The following PCDHA5 variants were observed in gnomAD, a reference collection of about 807,000 sequenced individuals.
PCDHA5 encodes the protein protocadherin alpha-5.
PCDHA5 carries 43 observed loss-of-function variants against 61.6 expected under a neutral mutation model. That is an observed-to-expected ratio of 0.70 (90% CI 0.55 to 0.90). The LOEUF is 0.90. Ranked by LOEUF, PCDHA5 falls within the 40% of genes least tolerant of loss-of-function variation. The pLI is 0.00. For missense variants in PCDHA5, 1,298 were observed against 1,222.7 expected (o/e 1.06, Z -0.92); for synonymous variants, 627 against 543.9 (o/e 1.15, Z -2.13).
rs2150128291 is a variant in PCDHA5, at chr5:140,823,697, C to G, written c.1922C>G (p.Ala641Gly). Residue 641 changes from alanine to glycine, a missense_variant, in exon 1 of 4, where the codon GCA becomes GGA. Coordinates refer to ENST00000529859, the MANE Select transcript of PCDHA5 (RefSeq NM_018908.3). ...STTRSLDETE[A>G]PRHRLLVLVK... ...ACACGCTCTCTGGATGAGACCGAAG[C>G]ACCGCGCCACCGCCTTCTGGTGCTG... 29 of 1,613,838 alleles carry G rather than the reference C, an allele frequency of 1.8e-5. No individual in the cohort carries two copies. The highest frequency in any genetic ancestry group is 2.3e-5 in the Non-Finnish European group (27 of 1,179,946).
chr5:140,962,036 A>G (rs761594563), intron 1 of PCDHA5, among the ~76,000 whole-genome samples: 10 of 151,802 alleles, frequency 6.6e-5, no homozygotes, highest in Non-Finnish European at 1.2e-4. Flanking sequence ...GGCACCCACC[A>G]CCATGCCTGG....
intron 1 of PCDHA5, among the ~76,000 whole-genome samples, chr5:140,846,371 TTC>T (rs140960073): frequency 0.32 from 35,391 of 108,896 alleles, 6,884 homozygotes; most frequent in South Asian, 0.47. Context: ...TTTTCTTTCT[TTC>T]TTTTTTTTTT....
At chr5:140,856,349 T>C in intron 1 of PCDHA5, 1 of 1,598,368 alleles carries the variant, frequency 6.3e-7, no homozygotes, top group Non-Finnish European at 8.6e-7. Flanking sequence ...GAGCGTGGAG[T>C]GCAGCATCCA....
intron 1 of PCDHA5, chr5:140,864,763 A>T (rs976670249): frequency 6.6e-6 from 1 of 152,064 alleles, no homozygotes; most frequent in East Asian, 1.9e-4. Context: ...TTTTTCTTTC[A>T]TTTTTGGTAC....
At chr5:140,852,705 T>C in intron 1 of PCDHA5, 1 of 979,478 alleles carries the variant, frequency 1.0e-6, no homozygotes, top group Non-Finnish European at 1.2e-6. Context: ...TTCAAGTATC[T>C]TTGTCTTTGC....
In PCDHA5 at chr5:140,835,680, C is replaced by A. The variant is rs2150241824; in HGVS notation, c.2352+11553C>A. ...GGTTACCGCGCGGGACGGGGGCTCGCCTTCTCTGTGGGCCACTGCTAGCGT... is the reference window on the plus strand; with the variant it reads ...GGTTACCGCGCGGGACGGGGGCTCGACTTCTCTGTGGGCCACTGCTAGCGT... On this transcript the variant is annotated intron_variant, in intron 1 of 3. Coordinates refer to ENST00000529859, the MANE Select transcript of PCDHA5 (RefSeq NM_018908.3). The A allele has an allele frequency of 5.6e-6, 9 of 1,613,886 alleles. No homozygotes were observed. The Admixed American group carries it at 1.5e-4, about 27-fold the overall frequency.
chr5:140,877,006 G>T, intron 1 of PCDHA5: 2 of 1,612,484 alleles, frequency 1.2e-6, no homozygotes, highest in Non-Finnish European at 1.7e-6. Context: ...GTCGGTGCAC[G>T]CGGAGAGCGG....
intron 1 of PCDHA5, chr5:140,871,274 C>T (rs1554165360): frequency 6.2e-7 from 1 of 1,613,824 alleles, no homozygotes; most frequent in East Asian, 2.2e-5. Flanking sequence ...TGGTGGTCGG[C>T]AACGCCCACT....
intron 1 of PCDHA5, among the ~76,000 whole-genome samples, chr5:140,938,727 GA>G (rs2092176789): frequency 6.6e-6 from 1 of 151,904 alleles, no homozygotes; most frequent in Admixed American, 6.6e-5. Flanking sequence ...CGTTTCTACA[GA>G]AAAAAATAAT....
intron 1 of PCDHA5, chr5:140,884,153 G>T: frequency 6.2e-7 from 1 of 1,613,470 alleles, no homozygotes; most frequent in Non-Finnish European, 8.5e-7. Flanking sequence ...GCTGTACACT[G>T]GCGAGATCAG....
chr5:140,989,745 C>A (rs1554251059), intron 3 of PCDHA5, among the ~76,000 whole-genome samples: 2 of 152,154 alleles, frequency 1.3e-5, no homozygotes, highest in African/African-American at 4.8e-5. Context: ...ATTGCCTAAT[C>A]TGGAGAAACA....
chr5:140,871,484 A>G, intron 1 of PCDHA5: 1 of 1,592,270 alleles, frequency 6.3e-7, no homozygotes, highest in Non-Finnish European at 8.6e-7. Context: ...GGGTCAAATC[A>G]CCCCGGACAG....
chr5:140,888,343 G>C (rs1476390329), intron 1 of PCDHA5, among the ~76,000 whole-genome samples: 1 of 152,152 alleles, frequency 6.6e-6, no homozygotes, highest in Admixed American at 6.5e-5. Context: ...ATTACAACTA[G>C]GGAATTGCTA....
At chr5:140,962,428 C>G (rs1359949802) in intron 1 of PCDHA5, among the ~76,000 whole-genome samples, 1 of 152,136 alleles carries the variant, frequency 6.6e-6, no homozygotes, top group Non-Finnish European at 1.5e-5. Flanking sequence ...TTTATTGTTA[C>G]TTATCCAAAG....
chr5:140,924,647 C>G (rs1396293249), intron 1 of PCDHA5, among the ~76,000 whole-genome samples: 1 of 152,132 alleles, frequency 6.6e-6, no homozygotes, highest in East Asian at 1.9e-4. Context: ...GTAATCCCAG[C>G]ACTTTGGGAG....
intron 1 of PCDHA5, among the ~76,000 whole-genome samples, chr5:140,897,050 G>A (rs1269082503): frequency 6.6e-6 from 1 of 152,014 alleles, no homozygotes; most frequent in Non-Finnish European, 1.5e-5. Flanking sequence ...CTATTCTGCT[G>A]TCAAATACTA....
Position 140,822,164 on chromosome 5 carries a change from C to T in PCDHA5, c.389C>T (p.Pro130Leu), listed in dbSNP as rs2150114205. Residue 130 changes from proline to leucine, a missense_variant, in exon 1 of 4, where the codon CCC (proline) becomes CTC (leucine). Pro to Leu is a moderately conservative substitution (Grantham distance 98). Coordinates refer to ENST00000529859, the MANE Select transcript of PCDHA5 (RefSeq NM_018908.3). Reference sequence around the variant, plus strand: ...GTGAAGGACATCAATGACAATCCGCCCAGGTTCTCCAGACAAGAACAAAGA... The same window carrying T: ...GTGAAGGACATCAATGACAATCCGCTCAGGTTCTCCAGACAAGAACAAAGA... ...VAVKDINDNP[P>L]RFSRQEQRLF... 1.9e-6 allele frequency: 3 copies of T among 1,614,200 alleles called. No individual in the cohort carries two copies. Among genetic ancestry groups the T allele is most frequent in the East Asian group, 4.5e-5 (2 of 44,890 alleles).
At chr5:140,858,469 C>T (rs782532416) in intron 1 of PCDHA5, 2 of 1,520,006 alleles carry the variant, frequency 1.3e-6, no homozygotes, top group African/African-American at 1.4e-5. Context: ...TCCTTTTGTG[C>T]TTTATGAATA....
chr5:140,830,422 A>C (rs1771053469), intron 1 of PCDHA5: 6 of 1,613,926 alleles, frequency 3.7e-6, no homozygotes, highest in Admixed American at 1.7e-5. Flanking sequence ...CCAGCCTTTC[A>C]CCTTGTCCTA....
Sources: allele counts gnomAD v4.1 joint callset (sites outside exome capture counted in the v4.1 genomes callset), GRCh38; gene constraint gnomAD v4.1.1; transcripts MANE v1.5; gene names NCBI Gene and HGNC (gene_info 2026-07-23, HGNC 2026-07-21).